The following TRAIP variants were observed in gnomAD, a reference collection of about 807,000 sequenced individuals.
TRAIP encodes the protein E3 ubiquitin-protein ligase TRAIP.
TRAIP carries 37 observed loss-of-function variants against 65.0 expected under a neutral mutation model. That is an observed-to-expected ratio of 0.57 (90% CI 0.44 to 0.75). TRAIP has a LOEUF of 0.75. Ranked by LOEUF, TRAIP falls within the 30% of genes least tolerant of loss-of-function variation. TRAIP has a pLI of 0.00. For missense variants in TRAIP, 481 were observed against 579.4 expected (o/e 0.83, Z 1.74); for synonymous variants, 187 against 219.1 (o/e 0.85, Z 1.29).
At chr3:49,849,233 C>T (rs375493876) in intron 1 of TRAIP, among the ~76,000 whole-genome samples, 4 of 151,936 alleles carry the variant, frequency 2.6e-5, no homozygotes, top group East Asian at 3.9e-4. Flanking sequence ...CTGGTCTCAA[C>T]TCCTGAGCTT....
In TRAIP at chr3:49,847,585, A is replaced by C; in HGVS notation, c.180T>G (p.Asn60Lys). 2 of 1,610,618 alleles carry C rather than the reference A, an allele frequency of 1.2e-6. No homozygotes were observed. Among genetic ancestry groups the C allele is most frequent in the Non-Finnish European group, 1.7e-6 (2 of 1,179,058 alleles). Residue 60 changes from asparagine to lysine, a missense_variant, in exon 3 of 15, where the codon AAT becomes AAG. Coordinates refer to ENST00000331456, the MANE Select transcript of TRAIP (RefSeq NM_005879.3). ...RIQVGKRTII[N>K]KLFFDLAQEE... ...CCTGGGCAAGATCAAAGAAGAGCTT[A>C]TTGATAATGGTTCTTTTGCCAACCT...
intron 10 of TRAIP, among the ~76,000 whole-genome samples, chr3:49,836,014 G>A (rs1057207528): frequency 1.3e-5 from 2 of 151,322 alleles, no homozygotes; most frequent in African/African-American, 4.9e-5. Context: ...CCAGGCTGGA[G>A]TACAGTAGCA....
In TRAIP at chr3:49,845,615, C is replaced by T. The variant is rs574555035; in HGVS notation, c.241-1035G>A. Among the ~76,000 whole-genome samples, 21 of 152,308 alleles carry T rather than the reference C, an allele frequency of 1.4e-4. No individual in the cohort carries two copies. The South Asian group carries it at 2.3e-3, about 17-fold the overall frequency. ...GAGGTGGTGGGTAAGGAAGAGCACG[C>T]AAGGGCTGCCTGAGAACAGATACCA... On this transcript the variant is annotated intron_variant, in intron 3 of 14. Coordinates refer to ENST00000331456, the MANE Select transcript of TRAIP (RefSeq NM_005879.3).
chr3:49,847,680 G>C, intron 2 of TRAIP, 72 bp from the exon 3 acceptor site: 1 of 1,028,956 alleles, frequency 9.7e-7, no homozygotes, highest in South Asian at 1.5e-5. Context: ...TGTTGTACAT[G>C]GGTCTGACTA....
intron 1 of TRAIP, among the ~76,000 whole-genome samples, chr3:49,853,860 G>A (rs2081952831): frequency 6.6e-6 from 1 of 151,672 alleles, no homozygotes; most frequent in Non-Finnish European, 1.5e-5. Context: ...AAAAAAATTA[G>A]GCAAGACAGA....
Position 49,848,219 on chromosome 3 carries a change from C to G in TRAIP, c.99-19G>C, listed in dbSNP as rs1213704345. 6.2e-7 allele frequency: 1 copy of G among 1,613,980 alleles called. No individual in the cohort carries two copies. The highest frequency in any genetic ancestry group is 8.5e-7 in the Non-Finnish European group (1 of 1,179,892). On this transcript the variant is annotated intron_variant, in intron 1 of 14. Transcript: ENST00000331456. ...AATTAGGCTGGAATGAAAAGCAGAA[C>G]AATAGACTGATGAGCCCTGGTTTGT...
chr3:49,847,442 GAGAAAAAAGAAAAGAAA>G, intron 3 of TRAIP, 66 bp downstream of exon 3: 3 of 820,450 alleles, frequency 3.7e-6, no homozygotes, highest in Admixed American at 2.4e-5. Context: ...GAGAAGAGAA[GAGAAAAAAGAAAAGAAA>G]AGAAAAAAGA....
At chr3:49,830,291 T>C (rs2081721008) in intron 11 of TRAIP, among the ~76,000 whole-genome samples, 1 of 152,192 alleles carries the variant, frequency 6.6e-6, no homozygotes, top group South Asian at 2.1e-4. Context: ...TGGGGATGAC[T>C]GGACCATGTC....
chr3:49,840,223 C>A, intron 9 of TRAIP, 61 bp downstream of exon 9: 1 of 1,462,922 alleles, frequency 6.8e-7, no homozygotes, highest in Non-Finnish European at 9.6e-7. Flanking sequence ...ATAGCCCAGC[C>A]CTGCTCTGGG....
At chr3:49,829,323 G>A (rs1277002829) in intron 14 of TRAIP, 98 bp from the exon 15 acceptor site, 3 of 1,610,606 alleles carry the variant, frequency 1.9e-6, no homozygotes, top group East Asian at 2.2e-5. Context: ...AGCCGGGGGT[G>A]GGCGGCGCTG....
At chr3:49,851,700 C>CTTT (rs35171858) in intron 1 of TRAIP, among the ~76,000 whole-genome samples, 1 of 142,878 alleles carries the variant, frequency 7.0e-6, no homozygotes, top group Admixed American at 7.1e-5. Context: ...CAAAAAAACA[C>CTTT]TTTTTTTTTT....
Position 49,841,031 on chromosome 3 carries a change from T to G in TRAIP, c.659A>C (p.Glu220Ala). The G allele has an allele frequency of 6.2e-7, 1 of 1,614,108 alleles. No homozygotes were observed. Among genetic ancestry groups the G allele is most frequent in the Non-Finnish European group, 8.5e-7 (1 of 1,180,014 alleles). The change falls in exon 8 of 15, where the codon GAG becomes GCG. Residue 220 changes from glutamate to alanine, a missense_variant. Transcript: ENST00000331456. ...NLKEARKASGEVADKLRKDLF... is the reference protein window; with the variant it reads ...NLKEARKASGAVADKLRKDLF... ...ATCCTTCCTCAGCTTGTCAGCCACC[T>G]CCCCTGAGGCCTTCCGTGCCTCTTT...
Position 49,856,482 on chromosome 3 carries a change from C to G in TRAIP, c.-29G>C. On this transcript the variant is annotated 5_prime_UTR_variant, in exon 1 of 15. Transcript: ENST00000331456. ...GGCTGGACTCAAGGGGCCCAGGCAG[C>G]CAAAGAAACTGCTACAGGTCCGGCT... 1 of 1,599,054 alleles carries G rather than the reference C, an allele frequency of 6.3e-7. No individual in the cohort carries two copies. The highest frequency in any genetic ancestry group is 8.5e-7 in the Non-Finnish European group (1 of 1,169,630).
At chr3:49,836,144 G>A (rs1353842905) in intron 10 of TRAIP, among the ~76,000 whole-genome samples, 2 of 150,816 alleles carry the variant, frequency 1.3e-5, no homozygotes, top group East Asian at 4.1e-4. Context: ...TGTATTTTTA[G>A]TACAGCCACC....
intron 7 of TRAIP, 31 bp from the exon 8 acceptor site, chr3:49,841,103 A>C: frequency 6.3e-7 from 1 of 1,592,114 alleles, no homozygotes. Context: ...GAGATGCCAG[A>C]AAAGAACACC....
Position 49,840,277 on chromosome 3 carries a change from C to T in TRAIP, c.795+7G>A. Reference sequence around the variant, plus strand: ...CTCATTCCTGTCAAGCCAGGGATGTCCCTCACCATGATTTCCTTGTCAGCA... The same window carrying T: ...CTCATTCCTGTCAAGCCAGGGATGTTCCTCACCATGATTTCCTTGTCAGCA... On this transcript the variant is annotated splice_region_variant and intron_variant, in intron 9 of 14. Transcript: ENST00000331456. The T allele has an allele frequency of 6.2e-7, 1 of 1,613,604 alleles. No individual in the cohort carries two copies. The highest frequency in any genetic ancestry group is 8.5e-7 in the Non-Finnish European group (1 of 1,179,472).
At chr3:49,851,945 C>G (rs2081935277) in intron 1 of TRAIP, among the ~76,000 whole-genome samples, 1 of 151,208 alleles carries the variant, frequency 6.6e-6, no homozygotes, top group South Asian at 2.1e-4. Context: ...GATCCACCAG[C>G]CTCGGCCTCC....
In TRAIP at chr3:49,829,474, G is replaced by T; in HGVS notation, c.1271C>A (p.Thr424Lys). ...AAAGGATACAGGCTGGATGAATTTT[G>T]TCCGGCCACCGAGCCCATCGAAGCC... Reference protein sequence around the residue: ...RTGFDGLGGRTKFIQPTDTVM... With the variant: ...RTGFDGLGGRKKFIQPTDTVM... Residue 424 changes from threonine (T) to lysine (K), a missense_variant, in exon 14 of 15, where the codon ACA becomes AAA. By Grantham distance (78) the Thr-to-Lys change is moderately conservative. Coordinates refer to ENST00000331456, the MANE Select transcript of TRAIP (RefSeq NM_005879.3). 2 of 1,614,120 alleles carry T rather than the reference G, an allele frequency of 1.2e-6. No homozygotes were observed. Among genetic ancestry groups the T allele is most frequent in the Non-Finnish European group, 1.7e-6 (2 of 1,180,026 alleles).
chr3:49,840,610 C>T (rs1466615656), intron 8 of TRAIP: 2 of 570,394 alleles, frequency 3.5e-6, no homozygotes, highest in East Asian at 5.7e-5. Context: ...GAAGTAAAAG[C>T]AGCTGTGCTG....
Sources: allele counts gnomAD v4.1 joint callset (sites outside exome capture counted in the v4.1 genomes callset), GRCh38; gene constraint gnomAD v4.1.1; transcripts MANE v1.5; gene names NCBI Gene and HGNC (gene_info 2026-07-23, HGNC 2026-07-21).